PAIP2B: variants seen among roughly 807,000 people sequenced by gnomAD.
PAIP2B encodes poly(A) binding protein interacting protein 2B, also known as polyadenylate-binding protein-interacting protein 2B.
PAIP2B carries 13 observed loss-of-function variants against 17.0 expected under a neutral mutation model. That is an observed-to-expected ratio of 0.76 (90% CI 0.50 to 1.22). The LOEUF (loss-of-function observed/expected upper bound fraction) is 1.22. Among genes scored for constraint, PAIP2B ranks in the 50% most tolerant of loss-of-function variants. The pLI, the probability that PAIP2B is intolerant of heterozygous loss-of-function variation, is 0.00. For synonymous variants in PAIP2B, 43 were observed against 48.7 expected (o/e 0.88, Z 0.48); for missense variants, 117 against 144.5 (o/e 0.81, Z 0.98).
chr2:71,218,649 G>A (rs537071545), intron 1 of PAIP2B, among the ~76,000 whole-genome samples: 121 of 151,968 alleles, frequency 8.0e-4, no homozygotes, highest in African/African-American at 2.8e-3. Context: ...TATGAATTCC[G>A]TCCAAAAATG....
Position 71,202,447 on chromosome 2 carries a change from T to C in PAIP2B, c.138+5A>G. The C allele has an allele frequency of 6.2e-7, 1 of 1,611,828 alleles. No homozygotes were observed. Among genetic ancestry groups the C allele is most frequent in the Non-Finnish European group, 8.5e-7 (1 of 1,179,314 alleles). On this transcript the variant is annotated splice_donor_5th_base_variant and intron_variant, in intron 2 of 3. Coordinates refer to ENST00000244221, the MANE Select transcript of PAIP2B (RefSeq NM_020459.1). ...AATCTTCCACTTTTCCAGTTCTTTCTTTACCTGTCTGTTGAAATCCTCTTC... is the reference window on the plus strand; with the variant it reads ...AATCTTCCACTTTTCCAGTTCTTTCCTTACCTGTCTGTTGAAATCCTCTTC...
At chr2:71,199,510 A>G (rs2103776571) in intron 2 of PAIP2B, among the ~76,000 whole-genome samples, 1 of 151,424 alleles carries the variant, frequency 6.6e-6, no homozygotes, top group East Asian at 1.9e-4. Flanking sequence ...GTGAGAGTGT[A>G]TGTTCCAAGT....
At chr2:71,191,769 C>A (rs191568425) in intron 2 of PAIP2B, among the ~76,000 whole-genome samples, 1 of 152,180 alleles carries the variant, frequency 6.6e-6, no homozygotes, top group Admixed American at 6.5e-5. Context: ...CTCAGCCACG[C>A]AGCTGATATA....
intron 1 of PAIP2B, among the ~76,000 whole-genome samples, chr2:71,221,868 G>A (rs911340671): frequency 1.5e-4 from 22 of 149,842 alleles, no homozygotes; most frequent in African/African-American, 4.4e-4. Context: ...GCCAATCAGC[G>A]CTCTGTAAAA....
At chr2:71,204,159 A>G (rs568063570) in intron 1 of PAIP2B, among the ~76,000 whole-genome samples, 5 of 142,686 alleles carry the variant, frequency 3.5e-5, no homozygotes, top group Admixed American at 2.0e-4. Context: ...GTAACTCACC[A>G]CAATATTATG....
At chr2:71,209,898 C>T (rs1388706908) in intron 1 of PAIP2B, among the ~76,000 whole-genome samples, 1 of 151,798 alleles carries the variant, frequency 6.6e-6, no homozygotes, top group Non-Finnish European at 1.5e-5. Flanking sequence ...GATCTCAGCT[C>T]ACTGCAACCT....
chr2:71,203,497 C>A (rs7557488), intron 1 of PAIP2B, among the ~76,000 whole-genome samples: 10,126 of 152,074 alleles, frequency 0.067, 379 homozygotes, highest in African/African-American at 0.092. Flanking sequence ...CGTTTCCCAA[C>A]ATTCATGAGT....
At chr2:71,202,265 T>TCA (rs957820963) in intron 2 of PAIP2B, among the ~76,000 whole-genome samples, 187 bp downstream of exon 2, 5 of 152,242 alleles carry the variant, frequency 3.3e-5, no homozygotes, top group Non-Finnish European at 5.9e-5. Flanking sequence ...CAAGGTACTA[T>TCA]CACTCTGGTC....
At chr2:71,209,605 T>C (rs373406607) in intron 1 of PAIP2B, among the ~76,000 whole-genome samples, 4 of 152,278 alleles carry the variant, frequency 2.6e-5, no homozygotes, top group South Asian at 4.1e-4. Context: ...GAAATTTCAC[T>C]TCCCTGGTAG....
intron 1 of PAIP2B, among the ~76,000 whole-genome samples, chr2:71,212,846 C>T (rs921456591): frequency 1.9e-4 from 29 of 151,648 alleles, no homozygotes; most frequent in African/African-American, 6.1e-4. Context: ...ACTGAACTCC[C>T]GGGCTGAGGC....
At chr2:71,190,266 T>A (rs1189263051) in intron 2 of PAIP2B, among the ~76,000 whole-genome samples, 3 of 151,890 alleles carry the variant, frequency 2.0e-5, no homozygotes, top group South Asian at 2.1e-4. Context: ...ACAAAAAAAA[T>A]TTTAAAATTA....
intron 2 of PAIP2B, among the ~76,000 whole-genome samples, chr2:71,191,237 G>A (rs1375671141): frequency 6.6e-6 from 1 of 152,198 alleles, no homozygotes; most frequent in Non-Finnish European, 1.5e-5. Flanking sequence ...AATTAATTCA[G>A]AGGAAAAGTT....
At chr2:71,195,469 A>G (rs1281146846) in intron 2 of PAIP2B, among the ~76,000 whole-genome samples, 1 of 152,116 alleles carries the variant, frequency 6.6e-6, no homozygotes, top group Non-Finnish European at 1.5e-5. Flanking sequence ...GTGTCCAGGA[A>G]TTTATCCATT....
Position 71,202,640 on chromosome 2 carries a change from A to G in PAIP2B, c.-11-40T>C, listed in dbSNP as rs191516829. 3.2e-5 allele frequency: 50 copies of G among 1,545,880 alleles called. No homozygotes were observed. In the East Asian group the frequency reaches 1.1e-3, roughly 33 times the overall value. ...AAGAAAAGATAAAATGAATATAAGG[A>G]TAAAGGAAATGTAGAGACCTAAAAC... On this transcript the variant is annotated intron_variant, in intron 1 of 3. Coordinates refer to ENST00000244221, the MANE Select transcript of PAIP2B (RefSeq NM_020459.1).
chr2:71,227,071 T>C lies in PAIP2B; in HGVS notation c.-155A>G, dbSNP rs1050256095. On this transcript the variant is annotated 5_prime_UTR_variant, in exon 1 of 4. Coordinates refer to ENST00000244221, the MANE Select transcript of PAIP2B (RefSeq NM_020459.1). ...AAGCACAGCACCCGAGAAGCGCCAC[T>C]ACCACTTGCCAGGTTATCTCTTACT... is the stretch of plus-strand genomic sequence containing the variant. 1 of 153,044 alleles carries C rather than the reference T, an allele frequency of 6.5e-6. No individual in the cohort carries two copies. Among genetic ancestry groups the C allele is most frequent in the Non-Finnish European group, 1.5e-5 (1 of 68,092 alleles). The allele number at this position is 153,044 out of a possible 1,614,324, so 9.5% of individuals were successfully genotyped here. A position where few individuals can be genotyped will look rare whatever the true frequency, so the allele number is the denominator to read the frequency against.
At chr2:71,211,366 A>G (rs1463177722) in intron 1 of PAIP2B, among the ~76,000 whole-genome samples, 1 of 152,156 alleles carries the variant, frequency 6.6e-6, no homozygotes, top group African/African-American at 2.4e-5. Flanking sequence ...TTCCACATCC[A>G]TACTTTGCAG....
intron 1 of PAIP2B, among the ~76,000 whole-genome samples, chr2:71,210,985 G>A (rs950422339): frequency 3.9e-5 from 6 of 152,204 alleles, no homozygotes; most frequent in Non-Finnish European, 5.9e-5. Context: ...AGTGGCTCAT[G>A]CCTATAGTCC....
intron 2 of PAIP2B, among the ~76,000 whole-genome samples, chr2:71,190,361 C>T (rs1436141160): frequency 1.3e-5 from 2 of 152,086 alleles, no homozygotes; most frequent in Non-Finnish European, 2.9e-5. Flanking sequence ...GAGGTCAAGG[C>T]TTCATTGAGC....
At chr2:71,211,655 G>A (rs1259988698) in intron 1 of PAIP2B, among the ~76,000 whole-genome samples, 2 of 148,112 alleles carry the variant, frequency 1.4e-5, no homozygotes, top group Admixed American at 1.4e-4. Context: ...GAGAAGTCCT[G>A]TTTAATTTAC....
Sources: allele counts gnomAD v4.1 joint callset (sites outside exome capture counted in the v4.1 genomes callset), GRCh38; gene constraint gnomAD v4.1.1; transcripts MANE v1.5; gene names NCBI Gene and HGNC (gene_info 2026-07-23, HGNC 2026-07-21).